The following ZRANB1 variants were observed in gnomAD, a reference collection of about 807,000 sequenced individuals.
The protein encoded by ZRANB1 is ubiquitin thioesterase ZRANB1.
Under a neutral mutation model 80.5 loss-of-function variants are expected in ZRANB1, and 16 were observed. That is an observed-to-expected ratio of 0.20 (90% CI 0.13 to 0.30). The LOEUF is 0.30. Ranked by LOEUF, ZRANB1 falls within the 10% of genes least tolerant of loss-of-function variation. ZRANB1 has a pLI of 1.00. For synonymous variants in ZRANB1, 291 were observed against 293.1 expected (o/e 0.99, Z 0.07); for missense variants, 576 against 862.6 (o/e 0.67, Z 4.16).
chr10:124,935,239 A>C, the ZRANB1 span, among the ~76,000 whole-genome samples: 10 of 152,194 alleles, frequency 6.6e-5, no homozygotes, highest in African/African-American at 2.4e-4. Context: ...GTATGGACCT[A>C]ACTGGTGTGT....
At chr10:124,941,388 C>CTT (rs1480229834), upstream of ZRANB1, among the ~76,000 whole-genome samples, 2 of 152,066 alleles carry the variant, frequency 1.3e-5, no homozygotes, top group African/African-American at 4.8e-5. Context: ...GAGTCTCACT[C>CTT]TGTCACCCAG....
chr10:124,952,172 C>T (rs1589843241), intron 1 of ZRANB1, among the ~76,000 whole-genome samples: 1 of 152,182 alleles, frequency 6.6e-6, no homozygotes, highest in Non-Finnish European at 1.5e-5. Context: ...GCGTGCGTCC[C>T]AGTCCCCAGG....
Position 124,983,710 on chromosome 10 carries a change from C to A in ZRANB1, c.1908+22C>A. The A allele has an allele frequency of 6.5e-7, 1 of 1,538,376 alleles. No homozygotes were observed. The highest frequency in any genetic ancestry group is 8.8e-7 in the Non-Finnish European group (1 of 1,133,998). ...GGAGGTAAGCAGTTTCTCCTATGAA[C>A]TATTTCTAGTAGTGACCTTGTACCA... is the stretch of plus-strand genomic sequence containing the variant. On this transcript the variant is annotated intron_variant, in intron 8 of 8. Transcript: ENST00000359653. The surrounding 1 kb of genome is among the most constrained non-coding windows in gnomAD (Gnocchi z 6.2).
intron 1 of ZRANB1, among the ~76,000 whole-genome samples, chr10:124,965,733 CTT>C (rs1049192581): frequency 2.0e-5 from 3 of 152,108 alleles, no homozygotes; most frequent in Non-Finnish European, 4.4e-5. Flanking sequence ...GTTTTAAACA[CTT>C]TTTGTGGTAA....
At chr10:124,963,906 C>A (rs1268642207) in intron 1 of ZRANB1, among the ~76,000 whole-genome samples, 1 of 152,048 alleles carries the variant, frequency 6.6e-6, no homozygotes, top group Non-Finnish European at 1.5e-5. Flanking sequence ...AAATAATTTT[C>A]TTTTAGATAT....
Position 124,972,106 on chromosome 10 carries a change from A to C in ZRANB1, c.1144A>C (p.Thr382Pro). The C allele has an allele frequency of 6.2e-7, 1 of 1,612,058 alleles. No individual in the cohort carries two copies. The highest frequency in any genetic ancestry group is 8.5e-7 in the Non-Finnish European group (1 of 1,179,410). Residue 382 changes from threonine to proline, a missense_variant, in exon 3 of 9, where the codon ACA becomes CCA. Thr to Pro is a conservative substitution (Grantham distance 38, BLOSUM62 -1). Coordinates refer to ENST00000359653, the MANE Select transcript of ZRANB1 (RefSeq NM_017580.3). ...CYFLTDLVTF[T>P]LPADIEDLPP... ...TTTTCTGACTGACCTTGTAACATTT[A>C]CATTGCCAGCAGGTAACTCCAAAAT...
At chr10:124,938,711 T>C (rs7089120), upstream of ZRANB1, among the ~76,000 whole-genome samples, 89,404 of 150,836 alleles carry the variant, frequency 0.59, 30,160 homozygotes, top group Non-Finnish European at 0.75. Context: ...ATTACGTTTT[T>C]TTTTTTTTTT....
intron 5 of ZRANB1, among the ~76,000 whole-genome samples, chr10:124,980,903 G>A (rs772424327): frequency 4.6e-5 from 7 of 152,254 alleles, no homozygotes; most frequent in African/African-American, 1.4e-4. Context: ...GTTACCACAC[G>A]TGTTCACGTT....
At chr10:124,972,259 A>C in intron 3 of ZRANB1, 141 bp downstream of exon 3, 1 of 732,096 alleles carries the variant, frequency 1.4e-6, no homozygotes, top group Non-Finnish European at 2.1e-6. Context: ...TGTCTTATAT[A>C]TGCTGGAAGT....
rs1589838729 is a variant in ZRANB1 at position 124,942,945 on chromosome 10, A to G, written c.452A>G (p.Gln151Arg). The change falls in exon 1 of 9, where the codon CAG becomes CGG. Residue 151 changes from glutamine to arginine, a missense_variant. Gln to Arg is a conservative substitution (Grantham distance 43). Transcript: ENST00000359653. ...AGAAATAAACTGAACACTAGGACAC[A>G]GCACTGGACTTGCTCTGTTTGCACA... ...NDRNKLNTRTQHWTCSVCTYE... is the reference protein window; with the variant it reads ...NDRNKLNTRTRHWTCSVCTYE... 1 of 1,614,260 alleles carries G rather than the reference A, an allele frequency of 6.2e-7. No homozygotes were observed. Among genetic ancestry groups the G allele is most frequent in the Non-Finnish European group, 8.5e-7 (1 of 1,180,056 alleles).
chr10:124,983,724 G>A lies in ZRANB1; in HGVS notation c.1908+36G>A. ...TCTCCTATGAACTATTTCTAGTAGT[G>A]ACCTTGTACCAGAAACAGCCTGAAG... On this transcript the variant is annotated intron_variant, in intron 8 of 8. Transcript: ENST00000359653. This position sits in a 1 kb window ranked among gnomAD's most constrained non-coding sequence, Gnocchi z 6.2. 3 of 1,494,660 alleles carry A rather than the reference G, an allele frequency of 2.0e-6. No homozygotes were observed. In the Admixed American group the frequency reaches 6.0e-5, roughly 30 times the overall value. The allele number at this position is 1,494,660 out of a possible 1,614,324, so 92.6% of individuals were successfully genotyped here.
intron 1 of ZRANB1, among the ~76,000 whole-genome samples, chr10:124,944,477 A>G (rs1232600204): frequency 9.6e-6 from 1 of 104,130 alleles, no homozygotes; most frequent in South Asian, 4.9e-4. Flanking sequence ...TAAATTATAT[A>G]TATCATTCCC....
At chr10:124,975,590 T>G (rs1336919213) in intron 5 of ZRANB1, among the ~76,000 whole-genome samples, 1 of 152,264 alleles carries the variant, frequency 6.6e-6, no homozygotes, top group Non-Finnish European at 1.5e-5. Context: ...TACATTTGTT[T>G]GACTTATGTG....
At chr10:124,940,862 G>A (rs1356061940), upstream of ZRANB1, among the ~76,000 whole-genome samples, 1 of 151,698 alleles carries the variant, frequency 6.6e-6, no homozygotes, top group Admixed American at 6.6e-5. Context: ...CTGTAATCTC[G>A]GCTACTTGGG....
intron 5 of ZRANB1, among the ~76,000 whole-genome samples, chr10:124,979,584 T>C (rs557424101): frequency 6.6e-6 from 1 of 152,328 alleles, no homozygotes; most frequent in East Asian, 1.9e-4. Context: ...TCTGAAGAGA[T>C]TTTTGTCTAG....
At chr10:124,918,706 G>A in the ZRANB1 span, among the ~76,000 whole-genome samples, 1 of 152,152 alleles carries the variant, frequency 6.6e-6, no homozygotes, top group Non-Finnish European at 1.5e-5. Flanking sequence ...TCTGAACTAT[G>A]GGAGAAATAA....
At chr10:124,954,930 C>G (rs1468605431) in intron 1 of ZRANB1, among the ~76,000 whole-genome samples, 2 of 150,764 alleles carry the variant, frequency 1.3e-5, no homozygotes, top group African/African-American at 4.9e-5. Context: ...GAGATCGAGA[C>G]CATCCTGGCT....
At chr10:124,927,740 A>T in the ZRANB1 span, among the ~76,000 whole-genome samples, 2 of 152,346 alleles carry the variant, frequency 1.3e-5, no homozygotes, top group Middle Eastern at 3.4e-3. Context: ...TTGAAGTGGT[A>T]AAGAAGGGAT....
intron 1 of ZRANB1, among the ~76,000 whole-genome samples, chr10:124,953,583 C>T (rs1951660952): frequency 6.6e-6 from 1 of 152,148 alleles, no homozygotes; most frequent in Non-Finnish European, 1.5e-5. Context: ...GGTTAGGTTA[C>T]ATTATTTGGA....
Sources: allele counts gnomAD v4.1 joint callset (sites outside exome capture counted in the v4.1 genomes callset), GRCh38; gene constraint gnomAD v4.1.1; non-coding constraint Gnocchi (gnomAD v3.1); transcripts MANE v1.5; gene names NCBI Gene and HGNC (gene_info 2026-07-23, HGNC 2026-07-21).